Variants in RAD50 observed in about 807,000 individuals in gnomAD.
RAD50 encodes the protein RAD50 double strand break repair protein.
Under a neutral mutation model 168.8 loss-of-function variants are expected in RAD50, and 132 were observed. The ratio of observed to expected loss-of-function variants is 0.78; its 90% CI spans 0.68 to 0.90. The LOEUF is 0.90. RAD50 is among the 40% of genes least tolerant of loss of function. RAD50 has a pLI of 0.00. For missense variants in RAD50, 1,347 were observed against 1,534.4 expected, an observed-to-expected ratio of 0.88 and a Z score of 2.04; for synonymous variants, 525 against 497.4, an observed-to-expected ratio of 1.06 and a Z score of -0.74.
At chr5:132,642,081 A>C in intron 24 of RAD50, 97 bp from the exon 25 acceptor site, 1 of 1,326,872 alleles carries the variant, frequency 7.5e-7, no homozygotes, top group Non-Finnish European at 1.1e-6. Flanking sequence ...GACACACAGC[A>C]CAAGTTCATG....
chr5:132,642,424 A>T lies in RAD50; in HGVS notation c.*60A>T. On this transcript the variant is annotated 3_prime_UTR_variant, in exon 25 of 25. Transcript: ENST00000378823. ...GTCCTCAGAAAGTGTATAATAAGAAACTTATTTCTCATATCAACTTAGTCA... is the reference window on the plus strand; with the variant it reads ...GTCCTCAGAAAGTGTATAATAAGAATCTTATTTCTCATATCAACTTAGTCA... 1 of 1,425,726 alleles carries T rather than the reference A, an allele frequency of 7.0e-7. No individual in the cohort carries two copies. Among genetic ancestry groups the T allele is most frequent in the Non-Finnish European group, 9.8e-7 (1 of 1,022,166 alleles). The allele number at this position is 1,425,726 out of a possible 1,614,324, so 88.3% of individuals were successfully genotyped here. A position where few individuals can be genotyped will look rare whatever the true frequency, so the allele number is the denominator to read the frequency against.
chr5:132,591,839 T>C (rs567642924), intron 10 of RAD50, 38 bp from the exon 11 acceptor site: 25 of 1,482,456 alleles, frequency 1.7e-5, no homozygotes, highest in East Asian at 1.1e-4. Context: ...TGTGGAGATA[T>C]AGACTTTATT....
At chr5:132,635,422 CAG>C (rs1261346405) in intron 21 of RAD50, among the ~76,000 whole-genome samples, 3 of 152,188 alleles carry the variant, frequency 2.0e-5, no homozygotes, top group Non-Finnish European at 4.4e-5. Flanking sequence ...CCATAGTAGA[CAG>C]AGAGGATACG....
intron 21 of RAD50, among the ~76,000 whole-genome samples, chr5:132,634,608 C>A (rs933007168): frequency 6.6e-6 from 1 of 151,966 alleles, no homozygotes; most frequent in African/African-American, 2.4e-5. Flanking sequence ...TTTAGAGCAG[C>A]CATAATAGGA....
intron 11 of RAD50, among the ~76,000 whole-genome samples, chr5:132,593,724 A>T (rs1750742593): frequency 6.6e-6 from 1 of 152,108 alleles, no homozygotes; most frequent in Non-Finnish European, 1.5e-5. Context: ...AATTCAGGAG[A>T]TTGGAAGTTG....
chr5:132,635,216 T>C (rs958916105), intron 21 of RAD50, among the ~76,000 whole-genome samples: 1 of 152,270 alleles, frequency 6.6e-6, no homozygotes, highest in Admixed American at 6.5e-5. Flanking sequence ...GTTTTGTTAA[T>C]GGTAAATAGA....
intron 13 of RAD50, among the ~76,000 whole-genome samples, chr5:132,598,770 TCCTAAGGGTAA>T (rs1055623423): frequency 3.9e-5 from 6 of 152,162 alleles, no homozygotes; most frequent in African/African-American, 1.4e-4. Context: ...AAACAGAGTA[TCCTAAGGGTAA>T]GTATTCCATG....
chr5:132,579,750 A>AT, intron 4 of RAD50, 112 bp from the exon 5 acceptor site: 4 of 1,017,814 alleles, frequency 3.9e-6, no homozygotes, highest in Non-Finnish European at 6.0e-6. Flanking sequence ...TTTACAAGTT[A>AT]TTAAAAACTC....
At chr5:132,619,154 T>A (rs1751230335) in intron 21 of RAD50, among the ~76,000 whole-genome samples, 1 of 152,176 alleles carries the variant, frequency 6.6e-6, no homozygotes, top group Non-Finnish European at 1.5e-5. Flanking sequence ...CATTTGGGGT[T>A]TTTTTCCAGG....
At chr5:132,583,232 A>G (rs1319375967) in intron 5 of RAD50, among the ~76,000 whole-genome samples, 2 of 152,218 alleles carry the variant, frequency 1.3e-5, no homozygotes, top group Non-Finnish European at 2.9e-5. Context: ...TTTAAAATGT[A>G]TAATGTAAAC....
At position 132,609,352 on chromosome 5, in the gene RAD50, A is replaced by C. The variant is rs587781686; in HGVS notation, c.2992A>C (p.Asn998His). The C allele has an allele frequency of 7.4e-6, 12 of 1,613,774 alleles. No individual in the cohort carries two copies. The highest frequency in any genetic ancestry group is 1.6e-4 in the Middle Eastern group (1 of 6,084). ...ATGCGAGAAACACAAAGAAAAGATA[A>C]ATGAAGATATGAGACTCATGAGACA... ...SECEKHKEKI[N>H]EDMRLMRQDI... The change falls in exon 19 of 25, where the codon AAT becomes CAT. Residue 998 changes from asparagine to histidine, a missense_variant. Asn to His is a moderately conservative substitution (Grantham distance 68, BLOSUM62 1). This residue lies in a region of RAD50 where 635 missense variants were observed against 739.2 expected (regional missense o/e 0.86). Transcript: ENST00000378823.
In RAD50 at chr5:132,557,056, C is replaced by G; in HGVS notation, c.-269C>G. On this transcript the variant is annotated 5_prime_UTR_variant, in exon 1 of 25. Transcript: ENST00000378823. ...CGCATTGTGGCTACGGCTTTGCGTCCCCGGCGGGCAGCCCCAGGCTGGTCC... is the reference window on the plus strand; with the variant it reads ...CGCATTGTGGCTACGGCTTTGCGTCGCCGGCGGGCAGCCCCAGGCTGGTCC... 1 of 649,708 alleles carries G rather than the reference C, an allele frequency of 1.5e-6. No homozygotes were observed. Among genetic ancestry groups the G allele is most frequent in the Non-Finnish European group, 2.5e-6 (1 of 402,052 alleles). 40.2% of individuals were successfully genotyped at this position (649,708 alleles called of 1,614,324 possible).
Position 132,642,423 on chromosome 5 carries a change from A to G in RAD50, c.*59A>G, listed in dbSNP as rs934874336. On this transcript the variant is annotated 3_prime_UTR_variant, in exon 25 of 25. Coordinates refer to ENST00000378823, the MANE Select transcript of RAD50 (RefSeq NM_005732.4). ...GGTCCTCAGAAAGTGTATAATAAGA[A>G]ACTTATTTCTCATATCAACTTAGTC... 6.6e-5 allele frequency: 94 copies of G among 1,425,680 alleles called. No homozygotes were observed. The Admixed American group carries it at 1.7e-3, about 25-fold the overall frequency. The allele number at this position is 1,425,680 out of a possible 1,614,324, so 88.3% of individuals were successfully genotyped here.
intron 3 of RAD50, among the ~76,000 whole-genome samples, chr5:132,578,427 T>C (rs574891951): frequency 1.7e-4 from 26 of 152,180 alleles, no homozygotes; most frequent in Non-Finnish European, 3.4e-4. Flanking sequence ...CCATTGTCTT[T>C]CCATGACCTC....
At chr5:132,608,761 C>A (rs768876300) in intron 17 of RAD50, 36 bp downstream of exon 17, 21 of 1,546,910 alleles carry the variant, frequency 1.4e-5, no homozygotes, top group Non-Finnish European at 1.7e-5. Flanking sequence ...TATCAAATAT[C>A]TGTATTAAAC....
intron 2 of RAD50, among the ~76,000 whole-genome samples, chr5:132,570,999 G>A (rs1750293671): frequency 6.6e-6 from 1 of 152,150 alleles, no homozygotes; most frequent in Non-Finnish European, 1.5e-5. Flanking sequence ...TTGTGTCTCA[G>A]GCAATCAGGT....
chr5:132,626,300 T>C (rs75833103), intron 21 of RAD50, among the ~76,000 whole-genome samples: 1 of 152,226 alleles, frequency 6.6e-6, no homozygotes, highest in African/African-American at 2.4e-5. Flanking sequence ...TTCATTTCCT[T>C]TGCGTAAATA....
chr5:132,621,414 AATC>A (rs1294316707), intron 21 of RAD50, among the ~76,000 whole-genome samples: 1 of 152,206 alleles, frequency 6.6e-6, no homozygotes, highest in African/African-American at 2.4e-5. Flanking sequence ...CTTGTTTTTA[AATC>A]ATCACAAATG....
Position 132,628,271 on chromosome 5 carries a change from TAGAG to T in RAD50, c.3390-8838_3390-8835del, listed in dbSNP as rs201866695. Among the ~76,000 whole-genome samples the T allele has an allele frequency of 2.6e-5, 4 of 151,986 alleles. No individual in the cohort carries two copies. In the East Asian group the frequency reaches 7.7e-4, roughly 29 times the overall value. On this transcript the variant is annotated intron_variant, in intron 21 of 24. Transcript: ENST00000378823. The stretch of plus-strand genomic sequence containing the variant: ...GATGAGATCACATGTGGAATGAGCA[TAGAG>T]AGAGAAGGGAAAGGTCCCACCACTA...
Sources: gnomAD v4.1 joint callset for allele counts (sites outside exome capture counted in the v4.1 genomes callset) on GRCh38, gnomAD v4.1.1 for gene constraint, gnomAD v4.1.1 regional missense constraint, MANE v1.5 for transcripts, NCBI Gene and HGNC (gene_info 2026-07-23, HGNC 2026-07-21) for gene names.